The following RHOQ variants were observed in gnomAD, a reference collection of about 807,000 sequenced individuals.
RHOQ encodes the protein ras homolog family member Q, also known as rho-related GTP-binding protein RhoQ.
A neutral mutation model predicts 25.8 loss-of-function variants in RHOQ; 7 were observed. The ratio of observed to expected loss-of-function variants is 0.27; its 90% CI spans 0.15 to 0.51. The LOEUF (loss-of-function observed/expected upper bound fraction) is 0.51. Ranked by LOEUF, RHOQ falls within the 20% of genes least tolerant of loss-of-function variation. The probability of loss-of-function intolerance (pLI) is 0.97; values close to 1 mark genes in which losing one functional copy is unlikely to be tolerated. For missense variants in RHOQ, 165 were observed against 260.6 expected (o/e 0.63, Z 2.53); for synonymous variants, 97 against 98.6 (o/e 0.98, Z 0.10).
chr2:46,571,318 C>A (rs1306783637), intron 2 of RHOQ, among the ~76,000 whole-genome samples: 1 of 152,208 alleles, frequency 6.6e-6, no homozygotes, highest in Non-Finnish European at 1.5e-5. Flanking sequence ...TAACCTGATG[C>A]ACGTTCCCAC....
chr2:46,561,042 A>ACACACAC, intron 2 of RHOQ, among the ~76,000 whole-genome samples: 1 of 143,292 alleles, frequency 7.0e-6, no homozygotes, highest in African/African-American at 2.6e-5. Context: ...ACACACACAC[A>ACACACAC]AAACCTGTAT....
Position 46,552,775 on chromosome 2 carries a change from CT to C in RHOQ, c.201+8964del, listed in dbSNP as rs1668282581. ...GTTAGAAGATCTGTCAGGCACAGGC[CT>C]GGCCCCCAGAGGCACAGTGTTTTGA... On this transcript the variant is annotated intron_variant, in intron 2 of 4. Coordinates refer to ENST00000238738, the MANE Select transcript of RHOQ (RefSeq NM_012249.4). This position sits in a 1 kb window ranked among gnomAD's most constrained non-coding sequence, Gnocchi z 5.0. 6.6e-6 allele frequency among the ~76,000 whole-genome samples: 1 copy of C among 152,218 alleles called. No homozygotes were observed. The highest frequency in any genetic ancestry group is 2.1e-4 in the South Asian group (1 of 4,834).
At chr2:46,577,480 A>G (rs1266336061) in intron 4 of RHOQ, among the ~76,000 whole-genome samples, 2 of 147,190 alleles carry the variant, frequency 1.4e-5, no homozygotes, top group Non-Finnish European at 1.5e-5. Context: ...GCTCACTGCA[A>G]GCTCTGCCTC....
intron 2 of RHOQ, chr2:46,572,747 C>T (rs1572753678): frequency 2.2e-6 from 1 of 453,776 alleles, no homozygotes; most frequent in Non-Finnish European, 4.4e-6. Context: ...GGAGAGTTGG[C>T]TGTGAGAAGT....
At chr2:46,567,550 C>T (rs995808078) in intron 2 of RHOQ, among the ~76,000 whole-genome samples, 1 of 152,058 alleles carries the variant, frequency 6.6e-6, no homozygotes, top group Non-Finnish European at 1.5e-5. Flanking sequence ...CACACCATCA[C>T]ACCTGGCTCA....
At position 46,581,543 on chromosome 2, in the gene RHOQ, C is replaced by A; in HGVS notation, c.*460C>A. ...ATCCAGAGTGGTGAAATAACAAGGC[C>A]AGCCACGTAGCCAAAGGTCGCTCCA... On this transcript the variant is annotated 3_prime_UTR_variant, in exon 5 of 5. Transcript: ENST00000238738. 1 of 1,611,594 alleles carries A rather than the reference C, an allele frequency of 6.2e-7. No homozygotes were observed. Among genetic ancestry groups the A allele is most frequent in the Non-Finnish European group, 8.5e-7 (1 of 1,179,582 alleles).
chr2:46,575,987 T>G (rs977423506), intron 2 of RHOQ, 100 bp from the exon 3 acceptor site: 1 of 905,710 alleles, frequency 1.1e-6, no homozygotes, highest in Non-Finnish European at 1.6e-6. Context: ...ACTAGTGGAG[T>G]ACTCCTGAAT....
chr2:46,559,721 T>G (rs964431134), intron 2 of RHOQ, among the ~76,000 whole-genome samples: 2 of 152,196 alleles, frequency 1.3e-5, no homozygotes, highest in Non-Finnish European at 2.9e-5. Context: ...CACCCCCAGT[T>G]GAGAACCACT....
At chr2:46,562,877 A>G (rs1454860343) in intron 2 of RHOQ, among the ~76,000 whole-genome samples, 1 of 152,218 alleles carries the variant, frequency 6.6e-6, no homozygotes, top group Admixed American at 6.5e-5. Context: ...TTAATTTCAC[A>G]TTCAGTTCTC....
chr2:46,551,311 C>T (rs1416946398), intron 2 of RHOQ, among the ~76,000 whole-genome samples: 3 of 152,206 alleles, frequency 2.0e-5, no homozygotes, highest in Non-Finnish European at 2.9e-5. Flanking sequence ...GCAGCAGTGG[C>T]TCCTCTACTC....
intron 2 of RHOQ, among the ~76,000 whole-genome samples, chr2:46,546,505 TATATATGTATATAC>T (rs1390069911): frequency 0.013 from 281 of 21,226 alleles, 28 homozygotes; most frequent in African/African-American, 0.026. Context: ...TATATATATA[TATATATGTATATAC>T]ATATATATAT....
chr2:46,554,307 G>C (rs1668343869), intron 2 of RHOQ, among the ~76,000 whole-genome samples: 1 of 152,004 alleles, frequency 6.6e-6, no homozygotes, highest in Admixed American at 6.6e-5. Flanking sequence ...GTGCTATCAG[G>C]AGAAAAAAAA....
intron 1 of RHOQ, 123 bp from the exon 2 acceptor site, chr2:46,543,631 C>T: frequency 1.3e-6 from 1 of 798,774 alleles, no homozygotes; most frequent in Non-Finnish European, 2.1e-6. Context: ...GGTGACATCT[C>T]GCGGGGAGCG....
In RHOQ at chr2:46,566,130, T is replaced by C. The variant is rs1260350677; in HGVS notation, c.202-9957T>C. 6.6e-6 allele frequency among the ~76,000 whole-genome samples: 1 copy of C among 152,206 alleles called. No homozygotes were observed. Among genetic ancestry groups the C allele is most frequent in the Admixed American group, 6.5e-5 (1 of 15,280 alleles). On this transcript the variant is annotated intron_variant, in intron 2 of 4. Transcript: ENST00000238738. The surrounding 1 kb of genome is among the most constrained non-coding windows in gnomAD (Gnocchi z 4.2). ...CCTGAGAACTTTCAGGTTTCTGGCTTGTGCACCCTGATTGAGTGGTGATAT... is the reference window on the plus strand; with the variant it reads ...CCTGAGAACTTTCAGGTTTCTGGCTCGTGCACCCTGATTGAGTGGTGATAT...
intron 2 of RHOQ, among the ~76,000 whole-genome samples, chr2:46,544,794 T>TG (rs1558679612): frequency 1.3e-5 from 2 of 152,194 alleles, no homozygotes; most frequent in African/African-American, 2.4e-5. Context: ...AGAATGTCTT[T>TG]GGGGGAAGTC....
intron 2 of RHOQ, among the ~76,000 whole-genome samples, chr2:46,545,396 T>A (rs1347839717): frequency 2.0e-5 from 3 of 152,224 alleles, no homozygotes; most frequent in Non-Finnish European, 4.4e-5. Flanking sequence ...CATGATAATT[T>A]TTGACCGCAC....
At chr2:46,554,311 A>G (rs571968613) in intron 2 of RHOQ, among the ~76,000 whole-genome samples, 1 of 152,246 alleles carries the variant, frequency 6.6e-6, no homozygotes, top group East Asian at 1.9e-4. Flanking sequence ...TATCAGGAGA[A>G]AAAAAATGGA....
intron 2 of RHOQ, among the ~76,000 whole-genome samples, chr2:46,551,202 C>T (rs1304977570): frequency 6.6e-6 from 1 of 152,158 alleles, no homozygotes; most frequent in Non-Finnish European, 1.5e-5. Context: ...TTCCCAGCTC[C>T]CAGATAAGGG....
chr2:46,564,129 AC>A (rs1228274405), intron 2 of RHOQ, among the ~76,000 whole-genome samples: 1 of 151,376 alleles, frequency 6.6e-6, no homozygotes, highest in East Asian at 2.0e-4. Flanking sequence ...ACACAGTGAG[AC>A]CCCCATCTCT....
Sources: allele counts gnomAD v4.1 joint callset (sites outside exome capture counted in the v4.1 genomes callset), GRCh38; gene constraint gnomAD v4.1.1; non-coding constraint Gnocchi (gnomAD v3.1); transcripts MANE v1.5; gene names NCBI Gene and HGNC (gene_info 2026-07-23, HGNC 2026-07-21).